The following LAMA3 variants were observed in gnomAD, a reference collection of about 807,000 sequenced individuals.
The protein encoded by LAMA3 is laminin subunit alpha-3.
A neutral mutation model predicts 402.0 loss-of-function variants in LAMA3; 281 were observed. The ratio of observed to expected loss-of-function variants is 0.70; its 90% confidence interval spans 0.63 to 0.77. The LOEUF (loss-of-function observed/expected upper bound fraction) is 0.77, where lower values mean the gene tolerates loss of function less well. LAMA3 is among the 30% of genes least tolerant of loss of function. LAMA3 has a pLI of 0.00. For missense variants in LAMA3, 3,840 were observed against 4,215.5 expected (o/e 0.91, Z 2.47); for synonymous variants, 1,431 against 1,558.4 (o/e 0.92, Z 1.93).
chr18:23,730,007 C>T (rs1235875096), intron 2 of LAMA3, among the ~76,000 whole-genome samples: 2 of 152,220 alleles, frequency 1.3e-5, no homozygotes, highest in Non-Finnish European at 2.9e-5. Context: ...CACTGTGTTC[C>T]CCTGCAAAGA....
Position 23,689,909 on chromosome 18 carries a change from C to A in LAMA3, c.226C>A (p.Pro76Thr). The change falls in exon 1 of 75, where the codon CCC (proline) becomes ACC (threonine). Residue 76 changes from proline (P) to threonine (T), a missense_variant. By Grantham distance (38) the Pro-to-Thr change is conservative. This residue lies in a region of LAMA3 where 2,109 missense variants were observed against 2,376.0 expected (regional missense o/e 0.89). Transcript: ENST00000313654. ...CGERGPGEGR[P>T]QPELYCKLVG... ...GGAGAGGGGACCCGGCGAGGGGAGG[C>A]CCCAGCCCGAGCTCTACTGCAAGTT... 16 of 1,534,162 alleles carry A rather than the reference C, an allele frequency of 1.0e-5. No individual in the cohort carries two copies. The highest frequency in any genetic ancestry group is 1.4e-5 in the Non-Finnish European group (16 of 1,140,570).
At chr18:23,730,728 A>G (rs958562114) in intron 2 of LAMA3, among the ~76,000 whole-genome samples, 13 of 152,126 alleles carry the variant, frequency 8.5e-5, no homozygotes, top group African/African-American at 3.1e-4. Flanking sequence ...TATTGATGAA[A>G]CAGTGAAATA....
intron 70 of LAMA3, among the ~76,000 whole-genome samples, chr18:23,948,637 T>A (rs1348860863): frequency 6.6e-6 from 1 of 151,964 alleles, no homozygotes; most frequent in African/African-American, 2.4e-5. Flanking sequence ...TAGTACGATC[T>A]CGGCTCACTG....
chr18:23,759,858 G>T (rs921107061), intron 7 of LAMA3, among the ~76,000 whole-genome samples: 2 of 152,142 alleles, frequency 1.3e-5, no homozygotes, highest in East Asian at 3.9e-4. Flanking sequence ...ATGCTCTGGC[G>T]CACCTCTGAG....
chr18:23,952,867 A>T, intron 73 of LAMA3, 123 bp from the exon 74 acceptor site: 1 of 1,301,768 alleles, frequency 7.7e-7, no homozygotes, highest in Non-Finnish European at 1.1e-6. Flanking sequence ...ATCTAAGCTG[A>T]CCAAATTTCT....
chr18:23,714,152 G>T (rs1158432116), intron 2 of LAMA3, 80 bp downstream of exon 2: 1 of 1,285,430 alleles, frequency 7.8e-7, no homozygotes, highest in Non-Finnish European at 1.1e-6. Flanking sequence ...AATAATTATT[G>T]TAAAAAAAAA....
chr18:23,728,796 C>A (rs896597900), intron 2 of LAMA3, among the ~76,000 whole-genome samples: 1 of 151,970 alleles, frequency 6.6e-6, no homozygotes, highest in African/African-American at 2.4e-5. Flanking sequence ...TTTGGGAGGC[C>A]GAGGCAGGCG....
At chr18:23,744,803 G>A (rs11082732) in intron 2 of LAMA3, among the ~76,000 whole-genome samples, 7,060 of 131,818 alleles carry the variant, frequency 0.054, 417 homozygotes, top group Admixed American at 0.2. Context: ...CTGCACTCCA[G>A]CCTGGGCGAC....
chr18:23,840,172 T>C (rs111467613), intron 27 of LAMA3, among the ~76,000 whole-genome samples: 212 of 152,308 alleles, frequency 1.4e-3, no homozygotes, highest in African/African-American at 4.6e-3. Flanking sequence ...TGCAGGCATC[T>C]GGTTAATCCT....
intron 1 of LAMA3, among the ~76,000 whole-genome samples, chr18:23,703,649 A>T (rs779766798): frequency 7.2e-4 from 109 of 150,922 alleles, no homozygotes; most frequent in Non-Finnish European, 1.0e-3. Context: ...AATAATAATT[A>T]AAAAAAAAGG....
chr18:23,734,611 C>A (rs976722621), intron 2 of LAMA3, among the ~76,000 whole-genome samples: 1 of 152,158 alleles, frequency 6.6e-6, no homozygotes, highest in Admixed American at 6.5e-5. Context: ...AATAGATTCC[C>A]TGGAATGGAG....
chr18:23,873,591 A>G (rs1598970631), intron 38 of LAMA3, among the ~76,000 whole-genome samples: 1 of 152,182 alleles, frequency 6.6e-6, no homozygotes, highest in Admixed American at 6.5e-5. Flanking sequence ...GGGGGAGAAA[A>G]TGGGAAAGAG....
At chr18:23,718,777 T>C (rs1478979195) in intron 2 of LAMA3, among the ~76,000 whole-genome samples, 2 of 152,202 alleles carry the variant, frequency 1.3e-5, no homozygotes, top group Non-Finnish European at 2.9e-5. Context: ...ACCTGTTCCC[T>C]TGTCCCATCT....
rs150544961 is a variant in LAMA3 at position 23,920,866 on chromosome 18, G to A, written c.7924-69G>A. 277 of 1,594,620 alleles carry A rather than the reference G, an allele frequency of 1.7e-4. 2 individuals carry two copies. The East Asian group carries it at 5.8e-3, about 33-fold the overall frequency. On this transcript the variant is annotated intron_variant, in intron 60 of 74. Transcript: ENST00000313654. ...GAGCAGGGGGGTCTGTGAGAGTAAC[G>A]GGAGTTCCAGTGCTCTGCCTCTTCT... is the stretch of plus-strand genomic sequence containing the variant.
intron 8 of LAMA3, among the ~76,000 whole-genome samples, chr18:23,768,084 T>C (rs1362200145): frequency 1.3e-5 from 2 of 151,894 alleles, no homozygotes; most frequent in Non-Finnish European, 2.9e-5. Context: ...AAATAATTTA[T>C]GGCTAAGTTC....
At chr18:23,884,055 TGTGTG>T (rs761219822) in intron 40 of LAMA3, among the ~76,000 whole-genome samples, 3 of 77,826 alleles carry the variant, frequency 3.9e-5, no homozygotes, top group African/African-American at 9.9e-5. Flanking sequence ...TTGGTGTGTG[TGTGTG>T]TGTGTGTGTG....
intron 8 of LAMA3, among the ~76,000 whole-genome samples, chr18:23,768,699 G>A (rs575791025): frequency 2.0e-5 from 3 of 152,266 alleles, no homozygotes; most frequent in South Asian, 4.1e-4. Flanking sequence ...TATGTTCATT[G>A]GAGCATTATT....
chr18:23,909,222 C>T lies in LAMA3; in HGVS notation c.7085C>T (p.Pro2362Leu). 1 of 1,613,764 alleles carries T rather than the reference C, an allele frequency of 6.2e-7. No homozygotes were observed. Among genetic ancestry groups the T allele is most frequent in the Non-Finnish European group, 8.5e-7 (1 of 1,179,784 alleles). The change falls in exon 55 of 75, where the codon CCC (proline) becomes CTC (leucine). Residue 2362 changes from proline to leucine, a missense_variant. Pro to Leu is a moderately conservative substitution (Grantham distance 98). This residue lies in a region of LAMA3 where 891 missense variants were observed against 857.5 expected (regional missense o/e 1.04). Transcript: ENST00000313654. ...GAAAGTATCAACCAACAGCTGTTGC[C>T]CTTGGGAAACATCTCTGACAACATG... ...KIESINQQLLPLGNISDNMDR... is the reference protein window; with the variant it reads ...KIESINQQLLLLGNISDNMDR...
chr18:23,954,347 G>C (rs550429530), intron 74 of LAMA3, among the ~76,000 whole-genome samples, 156 bp from the exon 75 acceptor site: 1 of 144,012 alleles, frequency 6.9e-6, no homozygotes, highest in Non-Finnish European at 1.5e-5. Context: ...GGTTTACAGA[G>C]AGCTGTGATC....
Sources: gnomAD v4.1 joint callset for allele counts (sites outside exome capture counted in the v4.1 genomes callset) on GRCh38, gnomAD v4.1.1 for gene constraint, gnomAD v4.1.1 regional missense constraint, MANE v1.5 for transcripts, NCBI Gene and HGNC (gene_info 2026-07-23, HGNC 2026-07-21) for gene names.